Variants in RBFOX1 observed in about 807,000 individuals in gnomAD.
The protein encoded by RBFOX1 is RNA binding protein fox-1 homolog 1.
Under a neutral mutation model 57.7 loss-of-function variants are expected in RBFOX1, and 8 were observed. The observed-to-expected ratio is 0.14, with a 90% confidence interval of 0.08 to 0.25. The LOEUF (loss-of-function observed/expected upper bound fraction) is 0.25. Among genes scored for constraint, RBFOX1 ranks in the 10% least tolerant of loss-of-function variants. The pLI is 1.00. For missense variants in RBFOX1, 611 were observed against 548.5 expected (o/e 1.11, Z -1.14); for synonymous variants, 326 against 222.4 (o/e 1.47, Z -4.15).
intron 2 of RBFOX1, among the ~76,000 whole-genome samples, chr16:5,468,306 T>C (rs1242127080): frequency 1.3e-5 from 2 of 152,182 alleles, no homozygotes; most frequent in Non-Finnish European, 1.5e-5. Context: ...ATTTTCATCA[T>C]GCCAAAGTAA....
At chr16:6,765,840 G>C (rs559159012) in intron 3 of RBFOX1, among the ~76,000 whole-genome samples, 2 of 152,162 alleles carry the variant, frequency 1.3e-5, no homozygotes, top group African/African-American at 4.8e-5. Context: ...CAGCAACTTG[G>C]ATGAAACTGG....
chr16:7,245,386 C>G (rs189376985), intron 4 of RBFOX1, among the ~76,000 whole-genome samples: 2 of 152,112 alleles, frequency 1.3e-5, no homozygotes, highest in East Asian at 3.9e-4. Context: ...CATAGGTAAA[C>G]ATGTGCCATG....
intron 3 of RBFOX1, among the ~76,000 whole-genome samples, chr16:6,691,278 G>C (rs895850149): frequency 6.6e-6 from 1 of 152,086 alleles, no homozygotes; most frequent in African/African-American, 2.4e-5. Flanking sequence ...CGATGTGTGC[G>C]TGCTGCAGAG....
intron 2 of RBFOX1, among the ~76,000 whole-genome samples, chr16:6,451,724 C>T (rs190910964): frequency 9.2e-5 from 14 of 152,324 alleles, no homozygotes; most frequent in African/African-American, 2.9e-4. Flanking sequence ...TCTTGGCTCA[C>T]ACCACCACAG....
chr16:6,540,182 C>G (rs950909430), intron 2 of RBFOX1, among the ~76,000 whole-genome samples: 1 of 151,962 alleles, frequency 6.6e-6, no homozygotes, highest in African/African-American at 2.4e-5. Flanking sequence ...AATCTGAGGT[C>G]TATCTTTATG....
At chr16:7,086,898 A>T (rs2060077438) in intron 4 of RBFOX1, among the ~76,000 whole-genome samples, 1 of 152,144 alleles carries the variant, frequency 6.6e-6, no homozygotes, top group Admixed American at 6.6e-5. Flanking sequence ...GAATTGGCAC[A>T]CAGGCTTCTG....
chr16:5,252,580 G>A (rs2062479817), intron 1 of RBFOX1, among the ~76,000 whole-genome samples: 1 of 152,158 alleles, frequency 6.6e-6, no homozygotes, highest in Non-Finnish European at 1.5e-5. Flanking sequence ...CCTAGAGGCT[G>A]TGGGGTTGGA....
intron 3 of RBFOX1, among the ~76,000 whole-genome samples, chr16:5,810,700 C>G (rs1039308268): frequency 2.6e-5 from 4 of 152,192 alleles, no homozygotes; most frequent in African/African-American, 7.2e-5. Context: ...ATACAATAAA[C>G]CCAGACTTCC....
intron 3 of RBFOX1, among the ~76,000 whole-genome samples, chr16:6,961,365 C>T (rs867636947): frequency 6.6e-6 from 1 of 152,126 alleles, no homozygotes. Context: ...CGTGTTCAAA[C>T]TGTAGTAATT....
At chr16:5,642,544 T>C (rs187614224) in intron 3 of RBFOX1, among the ~76,000 whole-genome samples, 2 of 152,332 alleles carry the variant, frequency 1.3e-5, no homozygotes, top group Admixed American at 1.3e-4. Flanking sequence ...AAATTTCACA[T>C]AAGCAAGTGC....
intron 3 of RBFOX1, among the ~76,000 whole-genome samples, chr16:6,857,480 C>G (rs1056505436): frequency 6.6e-6 from 1 of 152,188 alleles, no homozygotes; most frequent in Non-Finnish European, 1.5e-5. Context: ...TCACAAGGGT[C>G]TGACTCATTG....
At chr16:6,060,122 GTTTTTTTTTTTTTTTTTTTTT>G (rs199690584) in intron 1 of RBFOX1, among the ~76,000 whole-genome samples, 6,156 of 114,236 alleles carry the variant, frequency 0.054, 289 homozygotes, top group Non-Finnish European at 0.067. Context: ...TAGGATTAGG[GTTTTTTTTTTTTTTTTTTTTT>G]TTTTTTTTTT....
intron 2 of RBFOX1, among the ~76,000 whole-genome samples, chr16:5,511,999 A>G (rs991279081): frequency 6.6e-6 from 1 of 152,254 alleles, no homozygotes; most frequent in African/African-American, 2.4e-5. Context: ...TAAGGGAAGC[A>G]GAAATAAATC....
intron 4 of RBFOX1, among the ~76,000 whole-genome samples, chr16:5,886,773 A>G (rs963746121): frequency 6.6e-6 from 1 of 152,198 alleles, no homozygotes; most frequent in African/African-American, 2.4e-5. Context: ...CTGTAATCCC[A>G]GCTACTTGGG....
chr16:6,211,126 G>T (rs913328233), intron 1 of RBFOX1, among the ~76,000 whole-genome samples: 1 of 114,760 alleles, frequency 8.7e-6, no homozygotes, highest in Middle Eastern at 4.6e-3. Flanking sequence ...CCTAACGGCA[G>T]ACTGGACAGT....
chr16:6,949,327 G>A (rs755197816), intron 3 of RBFOX1, among the ~76,000 whole-genome samples: 2 of 152,154 alleles, frequency 1.3e-5, no homozygotes, highest in Non-Finnish European at 2.9e-5. Context: ...TTCAATCTTC[G>A]CTCACCTTTT....
intron 3 of RBFOX1, among the ~76,000 whole-genome samples, chr16:6,851,624 C>A (rs552838864): frequency 2.6e-5 from 4 of 152,138 alleles, no homozygotes. Flanking sequence ...TACATGCCTC[C>A]TCTCAAGCCT....
chr16:6,969,990 C>G (rs986525536), intron 3 of RBFOX1, among the ~76,000 whole-genome samples: 7 of 151,968 alleles, frequency 4.6e-5, no homozygotes, highest in Non-Finnish European at 7.4e-5. Context: ...AAAGTCCTTA[C>G]AAGCCTGGGC....
At chr16:7,286,203 G>C (rs545242456) in intron 4 of RBFOX1, among the ~76,000 whole-genome samples, 23 of 152,110 alleles carry the variant, frequency 1.5e-4, no homozygotes, top group Non-Finnish European at 2.8e-4. Flanking sequence ...GTCTAGCATG[G>C]AGTAAGCTCT....
Sources: allele counts gnomAD v4.1 joint callset (sites outside exome capture counted in the v4.1 genomes callset), GRCh38; gene constraint gnomAD v4.1.1; transcripts MANE v1.5; gene names NCBI Gene and HGNC (gene_info 2026-07-23, HGNC 2026-07-21).